NFIA: variants seen among roughly 807,000 people sequenced by gnomAD.
The protein encoded by NFIA is nuclear factor 1 A-type.
A neutral mutation model predicts 62.8 loss-of-function variants in NFIA; 8 were observed. That is an observed-to-expected ratio of 0.13 (90% CI 0.07 to 0.23). The LOEUF is 0.23. NFIA is among the 10% of genes least tolerant of loss of function. The probability of loss-of-function intolerance (pLI) is 1.00; values close to 1 mark genes in which losing one functional copy is unlikely to be tolerated. For missense variants in NFIA, 410 were observed against 642.1 expected (o/e 0.64, Z 3.91); for synonymous variants, 235 against 238.1 (o/e 0.99, Z 0.12).
chr1:61,171,450 C>G (rs1649959834), intron 2 of NFIA, among the ~76,000 whole-genome samples: 1 of 152,142 alleles, frequency 6.6e-6, no homozygotes, highest in South Asian at 2.1e-4. Context: ...AATGTGGTGA[C>G]ATTTTTTTCT....
intron 2 of NFIA, among the ~76,000 whole-genome samples, chr1:61,207,237 G>A (rs1652957234): frequency 6.6e-6 from 1 of 152,116 alleles, no homozygotes; most frequent in South Asian, 2.1e-4. Context: ...GGGAATAAAT[G>A]GCATTTTACG....
intron 1 of NFIA, 41 bp downstream of exon 1, chr1:61,082,859 C>T (rs375786854): frequency 4.6e-6 from 7 of 1,505,532 alleles, no homozygotes; most frequent in Middle Eastern, 1.9e-4. Context: ...GGGGCCGGGG[C>T]GCCGGGGGCA....
chr1:61,455,475 G>A lies in NFIA; in HGVS notation c.*155G>A. 4 of 1,240,730 alleles carry A rather than the reference G, an allele frequency of 3.2e-6. No individual in the cohort carries two copies. The South Asian group carries it at 4.0e-5, about 12-fold the overall frequency. The allele number at this position is 1,240,730 out of a possible 1,614,324, so 76.9% of individuals were successfully genotyped here. A position where few individuals can be genotyped will look rare whatever the true frequency, so the allele number is the denominator to read the frequency against. On this transcript the variant is annotated 3_prime_UTR_variant, in exon 11 of 11. Transcript: ENST00000403491. ...ATCAACTTGTACATGGAAACAGCAAGCATTATGGTCAAACAGCAAAGGCCA... is the reference window on the plus strand; with the variant it reads ...ATCAACTTGTACATGGAAACAGCAAACATTATGGTCAAACAGCAAAGGCCA...
intron 6 of NFIA, among the ~76,000 whole-genome samples, chr1:61,361,895 C>T (rs1663319524): frequency 6.6e-6 from 1 of 151,648 alleles, no homozygotes; most frequent in South Asian, 2.1e-4. Context: ...CATTCTCTAT[C>T]CCCATTTCAT....
intron 3 of NFIA, among the ~76,000 whole-genome samples, chr1:61,280,748 T>G (rs561737726): frequency 1.8e-4 from 27 of 152,228 alleles, no homozygotes; most frequent in Non-Finnish European, 3.8e-4. Context: ...TTTGTCCAAT[T>G]AGAGCATTAG....
intron 2 of NFIA, among the ~76,000 whole-genome samples, chr1:61,120,338 C>T (rs1342310588): frequency 1.3e-5 from 2 of 152,192 alleles, no homozygotes; most frequent in African/African-American, 4.8e-5. Context: ...TCTTATGGCA[C>T]TCCTCCAGAA....
chr1:61,421,121 T>G (rs938852045), intron 9 of NFIA, among the ~76,000 whole-genome samples: 7 of 152,202 alleles, frequency 4.6e-5, no homozygotes, highest in Non-Finnish European at 1.0e-4. Context: ...ATCTCCCCTG[T>G]AAGGCTTGTC....
chr1:61,105,855 C>T (rs1646587972), intron 2 of NFIA, among the ~76,000 whole-genome samples: 1 of 151,836 alleles, frequency 6.6e-6, no homozygotes. Context: ...TGTGCACCTA[C>T]AACAGTGGGT....
chr1:61,124,126 GGA>G (rs1318262362), intron 2 of NFIA, among the ~76,000 whole-genome samples: 2 of 152,320 alleles, frequency 1.3e-5, no homozygotes, highest in East Asian at 3.9e-4. Context: ...GTGTGGAAGA[GGA>G]GAGAGAGGAC....
At chr1:61,342,656 G>A (rs75322386) in intron 4 of NFIA, among the ~76,000 whole-genome samples, 2,797 of 152,300 alleles carry the variant, frequency 0.018, 74 homozygotes, top group African/African-American at 0.06. Flanking sequence ...GCAGAGAGGC[G>A]AGAAGGAGAA....
At chr1:61,291,082 C>T (rs1658851576) in intron 3 of NFIA, among the ~76,000 whole-genome samples, 1 of 152,176 alleles carries the variant, frequency 6.6e-6, no homozygotes, top group Admixed American at 6.5e-5. Flanking sequence ...ATACAGAAGC[C>T]TGTGCTGTAG....
intron 2 of NFIA, among the ~76,000 whole-genome samples, chr1:61,185,328 A>G (rs1160361915): frequency 1.3e-5 from 2 of 152,182 alleles, no homozygotes; most frequent in African/African-American, 4.8e-5. Context: ...TATAAAATGC[A>G]TTTCTAGTTT....
rs932545866 is a variant in NFIA, at chr1:61,461,155, CA to C, written c.*5836del. ...AGACACTCTGAGAACATTTGCAAGT[CA>C]GGGGCATTTTCCTTGACCCTTGACT... On this transcript the variant is annotated 3_prime_UTR_variant, in exon 11 of 11. Coordinates refer to ENST00000403491, the MANE Select transcript of NFIA (RefSeq NM_001134673.4). 1 of 152,136 alleles carries C rather than the reference CA, an allele frequency of 6.6e-6. No homozygotes were observed. The allele number at this position is 152,136 out of a possible 1,614,324, so 9.4% of individuals were successfully genotyped here.
chr1:61,147,073 T>G (rs1179595492), intron 2 of NFIA, among the ~76,000 whole-genome samples: 1 of 152,224 alleles, frequency 6.6e-6, no homozygotes, highest in East Asian at 1.9e-4. Context: ...CCCACTGTGT[T>G]GCTGTTAATC....
intron 6 of NFIA, among the ~76,000 whole-genome samples, chr1:61,380,032 A>G (rs1012040201): frequency 6.6e-6 from 1 of 151,800 alleles, no homozygotes; most frequent in African/African-American, 2.4e-5. Context: ...ATTTGGAATG[A>G]CTCATATAGC....
At chr1:61,429,702 G>A (rs1437861631) in intron 10 of NFIA, among the ~76,000 whole-genome samples, 2 of 152,238 alleles carry the variant, frequency 1.3e-5, no homozygotes, top group Non-Finnish European at 2.9e-5. Context: ...TAAACAAAAT[G>A]TGGTCTATAC....
chr1:61,278,648 C>T (rs1657955891), intron 3 of NFIA, among the ~76,000 whole-genome samples: 1 of 152,154 alleles, frequency 6.6e-6, no homozygotes, highest in Non-Finnish European at 1.5e-5. Flanking sequence ...ATTATTCGGT[C>T]GTAGTGGCAT....
Position 61,459,649 on chromosome 1 carries a change from C to CG in NFIA, c.*4330dup, listed in dbSNP as rs2100601782. Reference sequence around the variant, plus strand: ...AAGTGTGAAGGAACCCAGACTTCCCCGAGCCACGGTGTTCAGTCAGCCCAC... The same window carrying CG: ...AAGTGTGAAGGAACCCAGACTTCCCCGGAGCCACGGTGTTCAGTCAGCCCAC... On this transcript the variant is annotated 3_prime_UTR_variant, in exon 11 of 11. Transcript: ENST00000403491. 6.6e-6 allele frequency: 1 copy of CG among 152,376 alleles called. No individual in the cohort carries two copies. The highest frequency in any genetic ancestry group is 6.5e-5 in the Admixed American group (1 of 15,304). 9.4% of individuals were successfully genotyped at this position (152,376 alleles called of 1,614,324 possible).
At chr1:61,227,337 T>TCAACCA (rs1654395780) in intron 2 of NFIA, among the ~76,000 whole-genome samples, 1 of 151,412 alleles carries the variant, frequency 6.6e-6, no homozygotes, top group Non-Finnish European at 1.5e-5. Context: ...TTGGTTGAGC[T>TCAACCA]GTTTCATAAT....
Sources: allele counts gnomAD v4.1 joint callset (sites outside exome capture counted in the v4.1 genomes callset), GRCh38; gene constraint gnomAD v4.1.1; transcripts MANE v1.5; gene names NCBI Gene and HGNC (gene_info 2026-07-23, HGNC 2026-07-21).